PRXL2A: variants seen among roughly 807,000 people sequenced by gnomAD.
PRXL2A encodes peroxiredoxin-like 2A.
A neutral mutation model predicts 25.6 loss-of-function variants in PRXL2A; 26 were observed. The observed-to-expected ratio is 1.02, with a 90% CI of 0.74 to 1.41. The LOEUF (loss-of-function observed/expected upper bound fraction) is 1.41, where lower values mean the gene tolerates loss of function less well. PRXL2A is among the 40% of genes most tolerant of loss of function. The pLI is 0.00. For missense variants in PRXL2A, 246 were observed against 273.9 expected, an observed-to-expected ratio of 0.90 and a Z score of 0.72; for synonymous variants, 98 against 102.9, an observed-to-expected ratio of 0.95 and a Z score of 0.29.
intron 1 of PRXL2A, among the ~76,000 whole-genome samples, chr10:80,412,768 C>T (rs1354518602): frequency 1.3e-5 from 2 of 152,170 alleles, no homozygotes; most frequent in Admixed American, 6.5e-5. Context: ...AAGGAAACAA[C>T]ATGAGCAACA....
chr10:80,410,650 C>A lies in PRXL2A; in HGVS notation c.-3+2007C>A, dbSNP rs576969386. 3.9e-5 allele frequency among the ~76,000 whole-genome samples: 6 copies of A among 152,268 alleles called. No homozygotes were observed. The East Asian group carries it at 1.2e-3, about 29-fold the overall frequency. On this transcript the variant is annotated intron_variant, in intron 1 of 5. Coordinates refer to ENST00000606162, the MANE Select transcript of PRXL2A (RefSeq NM_032333.5). ...TCTTTATGACAACTCTTTAAAGTGCCCTTGTTTTTAAGAAGACACTGAGGT... is the reference window on the plus strand; with the variant it reads ...TCTTTATGACAACTCTTTAAAGTGCACTTGTTTTTAAGAAGACACTGAGGT...
At chr10:80,431,868 T>G in intron 5 of PRXL2A, 118 bp from the exon 6 acceptor site, 1 of 734,818 alleles carries the variant, frequency 1.4e-6, no homozygotes, top group South Asian at 1.6e-5. Context: ...AGGCCATATT[T>G]GGATCTGTGT....
In PRXL2A at chr10:80,435,969, T is replaced by C. The variant is rs964276940; in HGVS notation, c.*3870T>C. The C allele has an allele frequency of 2.0e-5, 3 of 152,130 alleles. No homozygotes were observed. Among genetic ancestry groups the C allele is most frequent in the African/African-American group, 4.8e-5 (2 of 41,422 alleles). The allele number at this position is 152,130 out of a possible 1,614,324, so 9.4% of individuals were successfully genotyped here. On this transcript the variant is annotated 3_prime_UTR_variant, in exon 6 of 6. Transcript: ENST00000606162. The stretch of plus-strand genomic sequence containing the variant: ...CCACATGCAAAGAAATGCAAGAAAA[T>C]TCAAAGAACGTAAGAAAATGTCCTT...
chr10:80,423,617 C>G (rs976943162), intron 3 of PRXL2A, among the ~76,000 whole-genome samples: 3 of 152,206 alleles, frequency 2.0e-5, no homozygotes, highest in Non-Finnish European at 4.4e-5. Context: ...TACCCTACCC[C>G]CAGGGCACTG....
rs1260017179 is a variant in PRXL2A at position 80,420,624 on chromosome 10, G to A, written c.157G>A (p.Asp53Asn). The change falls in exon 2 of 6, where the codon GAC becomes AAC. Residue 53 changes from aspartate (D) to asparagine (N), a missense_variant. By Grantham distance (23) the Asp-to-Asn change is conservative. Transcript: ENST00000606162. ...GGCCCTGGAGTACCTGGAGGATATA[G>A]ACCTGAAAACACTGGAGAAGGGTAA... is the stretch of plus-strand genomic sequence containing the variant. Reference protein sequence around the residue: ...KAALEYLEDIDLKTLEKEPRT... With the variant: ...KAALEYLEDINLKTLEKEPRT... The A allele has an allele frequency of 6.2e-7, 1 of 1,610,998 alleles. No homozygotes were observed. Among genetic ancestry groups the A allele is most frequent in the South Asian group, 1.1e-5 (1 of 90,436 alleles).
In PRXL2A at chr10:80,420,622, T is replaced by C. The variant is rs925851010; in HGVS notation, c.155T>C (p.Ile52Thr). Residue 52 changes from isoleucine (I) to threonine (T), a missense_variant, in exon 2 of 6, where the codon ATA (isoleucine) becomes ACA (threonine). By Grantham distance (89) the Ile-to-Thr change is moderately conservative. Transcript: ENST00000606162. ...QKAALEYLEDIDLKTLEKEPR... is the reference protein window; with the variant it reads ...QKAALEYLEDTDLKTLEKEPR... ...GCGGCCCTGGAGTACCTGGAGGATATAGACCTGAAAACACTGGAGAAGGGT... is the reference window on the plus strand; with the variant it reads ...GCGGCCCTGGAGTACCTGGAGGATACAGACCTGAAAACACTGGAGAAGGGT... 6.2e-7 allele frequency: 1 copy of C among 1,611,750 alleles called. No homozygotes were observed. The highest frequency in any genetic ancestry group is 8.5e-7 in the Non-Finnish European group (1 of 1,178,590).
chr10:80,413,643 T>A (rs1307094311), intron 1 of PRXL2A, among the ~76,000 whole-genome samples: 1 of 152,170 alleles, frequency 6.6e-6, no homozygotes, highest in East Asian at 1.9e-4. Flanking sequence ...GCTCAACTTT[T>A]TGAAGGGCTA....
In PRXL2A at chr10:80,436,181, A is replaced by G. The variant is rs1845397922; in HGVS notation, c.*4082A>G. ...TAGGCTAGAGTGCAGTAATGCAATC[A>G]TGGCTCACTGCTGCCTTAACTTCTG... On this transcript the variant is annotated 3_prime_UTR_variant, in exon 6 of 6. Transcript: ENST00000606162. 6.6e-6 allele frequency: 1 copy of G among 150,734 alleles called. No individual in the cohort carries two copies. Among genetic ancestry groups the G allele is most frequent in the East Asian group, 2.0e-4 (1 of 5,104 alleles). The allele number at this position is 150,734 out of a possible 1,614,324, so 9.3% of individuals were successfully genotyped here. A position where few individuals can be genotyped will look rare whatever the true frequency, so the allele number is the denominator to read the frequency against.
intron 3 of PRXL2A, among the ~76,000 whole-genome samples, chr10:80,425,094 T>C (rs1360117190): frequency 6.6e-6 from 1 of 152,116 alleles, no homozygotes; most frequent in Admixed American, 6.5e-5. Flanking sequence ...TGGAGATGAG[T>C]AGACTGCATT....
chr10:80,417,758 G>GT (rs68052923), intron 1 of PRXL2A, among the ~76,000 whole-genome samples: 36 of 130,122 alleles, frequency 2.8e-4, no homozygotes, highest in Non-Finnish European at 3.4e-4. Flanking sequence ...TTTTTTTTTT[G>GT]TTTTTTTTTT....
chr10:80,437,000 T>C lies in PRXL2A; in HGVS notation c.*4901T>C, dbSNP rs1336317553. On this transcript the variant is annotated 3_prime_UTR_variant, in exon 6 of 6. Coordinates refer to ENST00000606162, the MANE Select transcript of PRXL2A (RefSeq NM_032333.5). ...TCCAATCATATTTCTACACAGTCCA[T>C]AATCTGTTGAACCTAAACATAAAAA... The C allele has an allele frequency of 6.6e-6, 1 of 152,270 alleles. No individual in the cohort carries two copies. The highest frequency in any genetic ancestry group is 2.4e-5 in the African/African-American group (1 of 41,474). The allele number at this position is 152,270 out of a possible 1,614,324, so 9.4% of individuals were successfully genotyped here.
At chr10:80,431,387 C>G (rs1282840725) in intron 5 of PRXL2A, among the ~76,000 whole-genome samples, 1 of 151,544 alleles carries the variant, frequency 6.6e-6, no homozygotes, top group African/African-American at 2.4e-5. Flanking sequence ...TCAAAGAACT[C>G]TAACAAGGAT....
At chr10:80,408,028 T>C (rs1371957572), upstream of PRXL2A, 1 of 152,200 alleles carries the variant, frequency 6.6e-6, no homozygotes, top group Non-Finnish European at 1.5e-5. Context: ...CGGCTCACCG[T>C]TCTCTGCCCC....
chr10:80,414,186 T>A (rs897203006), intron 1 of PRXL2A, among the ~76,000 whole-genome samples: 1 of 152,212 alleles, frequency 6.6e-6, no homozygotes, highest in Admixed American at 6.5e-5. Flanking sequence ...GCACCCATGT[T>A]CAGACCAGAG....
rs570977970 is a variant in PRXL2A at position 80,422,299 on chromosome 10, C to T, written c.179-118C>T. ...TTTTCCCACGTGTGAAATGCCTGTC[C>T]AGGTCCTCTACTAGGCCGGGTCTCT... On this transcript the variant is annotated intron_variant, in intron 2 of 5. Transcript: ENST00000606162. The T allele has an allele frequency of 6.3e-5, 43 of 687,282 alleles. No individual in the cohort carries two copies. In the South Asian group the frequency reaches 7.3e-4, roughly 12 times the overall value. 42.6% of individuals were successfully genotyped at this position (687,282 alleles called of 1,614,324 possible).
At chr10:80,417,879 A>G (rs1844722678) in intron 1 of PRXL2A, among the ~76,000 whole-genome samples, 1 of 151,156 alleles carries the variant, frequency 6.6e-6, no homozygotes, top group East Asian at 1.9e-4. Flanking sequence ...CACCATGCCC[A>G]GCTAATTTTT....
At chr10:80,431,291 C>CTTT (rs36042493) in intron 5 of PRXL2A, among the ~76,000 whole-genome samples, 1 of 136,828 alleles carries the variant, frequency 7.3e-6, no homozygotes, top group African/African-American at 2.6e-5. Context: ...TGTGGTGGGC[C>CTTT]TTTTTTTTTT....
At chr10:80,413,689 G>A (rs1335356223) in intron 1 of PRXL2A, 3 of 200,712 alleles carry the variant, frequency 1.5e-5, no homozygotes, top group Non-Finnish European at 2.7e-5. Flanking sequence ...GATGTTTTCT[G>A]GAGACTGACT....
intron 1 of PRXL2A, among the ~76,000 whole-genome samples, chr10:80,409,313 G>A (rs1278011174): frequency 1.3e-5 from 2 of 152,166 alleles, no homozygotes; most frequent in Non-Finnish European, 2.9e-5. Context: ...GGGAGGTGAA[G>A]GCGCAGGTGG....
Sources: allele counts gnomAD v4.1 joint callset (sites outside exome capture counted in the v4.1 genomes callset), GRCh38; gene constraint gnomAD v4.1.1; transcripts MANE v1.5; gene names NCBI Gene and HGNC (gene_info 2026-07-23, HGNC 2026-07-21).